Variants in SPICE1 observed in about 807,000 individuals in gnomAD.
The protein encoded by SPICE1 is spindle and centriole-associated protein 1.
Under a neutral mutation model 102.7 loss-of-function variants are expected in SPICE1, and 75 were observed. The ratio of observed to expected loss-of-function variants is 0.73; its 90% CI spans 0.61 to 0.88. The LOEUF (loss-of-function observed/expected upper bound fraction) is 0.88, where lower values mean the gene tolerates loss of function less well. SPICE1 is among the 40% of genes least tolerant of loss of function. The pLI is 0.00. For missense variants in SPICE1, 979 were observed against 1,020.1 expected (o/e 0.96, Z 0.55); for synonymous variants, 308 against 350.3 (o/e 0.88, Z 1.35).
chr3:113,459,823 A>C, intron 12 of SPICE1: 1 of 944,568 alleles, frequency 1.1e-6, no homozygotes, highest in Non-Finnish European at 1.3e-6. Context: ...CGGAGGTTGC[A>C]GTAAGCCGAG....
chr3:113,453,666 G>A lies in SPICE1; in HGVS notation c.1942C>T (p.Pro648Ser). The A allele has an allele frequency of 6.2e-7, 1 of 1,613,998 alleles. No homozygotes were observed. Among genetic ancestry groups the A allele is most frequent in the South Asian group, 1.1e-5 (1 of 91,068 alleles). The change falls in exon 14 of 18, where the codon CCA (proline) becomes TCA (serine). Residue 648 changes from proline to serine, a missense_variant. Physicochemically the swap from Pro to Ser is moderately conservative, Grantham distance 74. Coordinates refer to ENST00000295872, the MANE Select transcript of SPICE1 (RefSeq NM_144718.4). ...SRSPTFSEEL[P>S]VLGDGQQLRT... is the part of the protein sequence containing the mutation. ...AGCTGCTGCCCATCTCCCAGTACTG[G>A]GAGCTCTTCTGAGAATGTGGGGCTT...
chr3:113,491,624 CAAAAAAAAAAAAA>C lies in SPICE1; in HGVS notation c.492+1569_492+1581del, dbSNP rs869171154. ...TGGGCGACAGAGCGAGACTCCGTCT[CAAAAAAAAAAAAA>C]AAAAAAAAAAAAGATTATCTATAGC... On this transcript the variant is annotated intron_variant, in intron 6 of 17. Coordinates refer to ENST00000295872, the MANE Select transcript of SPICE1 (RefSeq NM_144718.4). 7.9e-5 allele frequency among the ~76,000 whole-genome samples: 3 copies of C among 38,108 alleles called. No homozygotes were observed. The East Asian group carries it at 2.7e-3, about 34-fold the overall frequency. 25.0% of individuals were successfully genotyped at this position (38,108 alleles called of 152,430 possible). A position where few individuals can be genotyped will look rare whatever the true frequency, so the allele number is the denominator to read the frequency against.
chr3:113,507,951 A>G (rs1275173437), intron 1 of SPICE1, among the ~76,000 whole-genome samples: 2 of 152,180 alleles, frequency 1.3e-5, no homozygotes, highest in African/African-American at 4.8e-5. Context: ...GATACAGAAT[A>G]TAATAGAACA....
At chr3:113,496,852 T>TTGA (rs2107498629) in intron 4 of SPICE1, among the ~76,000 whole-genome samples, 1 of 152,346 alleles carries the variant, frequency 6.6e-6, no homozygotes, top group South Asian at 2.1e-4. Flanking sequence ...ACTAAGCAAT[T>TTGA]CTACTTTTAA....
At chr3:113,468,080 G>A in intron 10 of SPICE1, 59 bp downstream of exon 10, 1 of 1,554,088 alleles carries the variant, frequency 6.4e-7, no homozygotes, top group Non-Finnish European at 8.7e-7. Flanking sequence ...AAATGGAAAG[G>A]AAAAAAAACT....
intron 7 of SPICE1, among the ~76,000 whole-genome samples, chr3:113,478,685 GAA>G (rs1459791511): frequency 6.6e-6 from 1 of 152,102 alleles, no homozygotes; most frequent in Non-Finnish European, 1.5e-5. Context: ...ATTCTCAGAA[GAA>G]AAGAGTGGCA....
intron 11 of SPICE1, among the ~76,000 whole-genome samples, chr3:113,463,623 T>C (rs993901730): frequency 6.6e-6 from 1 of 152,218 alleles, no homozygotes; most frequent in African/African-American, 2.4e-5. Context: ...AAACATAAAT[T>C]AACCTTAAAC....
rs749676598 is a variant in SPICE1 at position 113,450,515 on chromosome 3, G to C, written c.2144C>G (p.Thr715Ser). 21 of 1,542,844 alleles carry C rather than the reference G, an allele frequency of 1.4e-5. No homozygotes were observed. The highest frequency in any genetic ancestry group is 3.6e-5 in the South Asian group (3 of 82,210). The change falls in exon 15 of 18, where the codon ACT becomes AGT. Residue 715 changes from threonine (T) to serine (S), a missense_variant and splice_region_variant. By Grantham distance (58) the Thr-to-Ser change is moderately conservative. Coordinates refer to ENST00000295872, the MANE Select transcript of SPICE1 (RefSeq NM_144718.4). ...TGTTAGAGACTGTGCTACTGGAAAA[G>C]TCTTTGGGAGAAAAAAAAAAAAAGT... Reference protein sequence around the residue: ...KQESASDMTSTFPVAQSLTPG... With the variant: ...KQESASDMTSSFPVAQSLTPG...
In SPICE1 at chr3:113,483,028, T is replaced by C. The variant is rs143088550; in HGVS notation, c.611+5917A>G. On this transcript the variant is annotated intron_variant, in intron 7 of 17. Transcript: ENST00000295872. Reference sequence around the variant, plus strand: ...CCATTTTCATGATATTGAGTCTTCCTATCCATGAGCATGGAATGTTTTTCC... The same window carrying C: ...CCATTTTCATGATATTGAGTCTTCCCATCCATGAGCATGGAATGTTTTTCC... Among the ~76,000 whole-genome samples, 1,354 of 152,362 alleles carry C rather than the reference T, an allele frequency of 8.9e-3. 23 individuals carry two copies. The highest frequency in any genetic ancestry group is 0.031 in the African/African-American group (1,290 of 41,594).
chr3:113,460,804 C>A, intron 11 of SPICE1, 40 bp from the exon 12 acceptor site: 1 of 1,534,454 alleles, frequency 6.5e-7, no homozygotes, highest in South Asian at 1.3e-5. Flanking sequence ...ATTAGCATAT[C>A]AAACATCAAA....
chr3:113,457,485 C>T, intron 12 of SPICE1, 128 bp from the exon 13 acceptor site: 1 of 876,952 alleles, frequency 1.1e-6, no homozygotes, highest in Non-Finnish European at 1.7e-6. Context: ...GCTCCTGGAG[C>T]CTTCACTTTC....
chr3:113,514,972 G>A lies in SPICE1; in HGVS notation c.-76C>T, dbSNP rs1937295034. The A allele has an allele frequency of 6.2e-6, 4 of 647,052 alleles. No individual in the cohort carries two copies. The highest frequency in any genetic ancestry group is 6.6e-6 in the Non-Finnish European group (3 of 457,018). The allele number at this position is 647,052 out of a possible 1,614,324, so 40.1% of individuals were successfully genotyped here. A position where few individuals can be genotyped will look rare whatever the true frequency, so the allele number is the denominator to read the frequency against. On this transcript the variant is annotated 5_prime_UTR_variant, in exon 1 of 18. Coordinates refer to ENST00000295872, the MANE Select transcript of SPICE1 (RefSeq NM_144718.4). The stretch of plus-strand genomic sequence containing the variant: ...CCCCAACCGGGCGCCTGGATCCCAG[G>A]CAACAGACAGATGCCACCACCGTTC...
chr3:113,456,714 A>C (rs1935787291), intron 13 of SPICE1, among the ~76,000 whole-genome samples: 1 of 152,244 alleles, frequency 6.6e-6, no homozygotes, highest in Non-Finnish European at 1.5e-5. Flanking sequence ...AAAGAGGTGA[A>C]TATAATGACC....
At chr3:113,490,214 G>A (rs1037699732) in intron 6 of SPICE1, among the ~76,000 whole-genome samples, 2 of 152,084 alleles carry the variant, frequency 1.3e-5, no homozygotes, top group Non-Finnish European at 1.5e-5. Flanking sequence ...CCCCTCATCT[G>A]ATCCACTTTC....
intron 6 of SPICE1, among the ~76,000 whole-genome samples, chr3:113,491,436 T>C (rs55711506): frequency 0.55 from 82,687 of 150,650 alleles, 23,784 homozygotes; most frequent in African/African-American, 0.72. Flanking sequence ...CTGGATAACA[T>C]GGTGAAACCC....
In SPICE1 at chr3:113,457,216, G is replaced by T; in HGVS notation, c.1577C>A (p.Pro526Gln). The T allele has an allele frequency of 6.2e-7, 1 of 1,614,136 alleles. No homozygotes were observed. The highest frequency in any genetic ancestry group is 8.5e-7 in the Non-Finnish European group (1 of 1,180,022). The change falls in exon 13 of 18, where the codon CCA becomes CAA. Residue 526 changes from proline to glutamine, a missense_variant. Physicochemically the swap from Pro to Gln is moderately conservative, Grantham distance 76. Transcript: ENST00000295872. Reference sequence around the variant, plus strand: ...CACAGCTGGCTCAAAAATATGTGCTGGAAAATTCTTGGCCAGATTCATGTT... The same window carrying T: ...CACAGCTGGCTCAAAAATATGTGCTTGAAAATTCTTGGCCAGATTCATGTT... ...PDNMNLAKNF[P>Q]AHIFEPAVLL...
intron 11 of SPICE1, among the ~76,000 whole-genome samples, chr3:113,465,218 AG>A (rs751510669): frequency 6.2e-4 from 94 of 152,346 alleles, no homozygotes; most frequent in Non-Finnish European, 1.1e-3. Context: ...TTAGTCAAGC[AG>A]CAAAGAGGAC....
At chr3:113,480,453 A>G (rs929481686) in intron 7 of SPICE1, among the ~76,000 whole-genome samples, 3 of 152,204 alleles carry the variant, frequency 2.0e-5, no homozygotes, top group African/African-American at 7.2e-5. Context: ...ACACAAGAAT[A>G]CTAAATAAAA....
chr3:113,479,595 G>C (rs1026815439), intron 7 of SPICE1, among the ~76,000 whole-genome samples: 30 of 152,110 alleles, frequency 2.0e-4, no homozygotes, highest in African/African-American at 7.0e-4. Flanking sequence ...CCCACCAACA[G>C]TGTAAAAATG....
Sources: allele counts gnomAD v4.1 joint callset (sites outside exome capture counted in the v4.1 genomes callset), GRCh38; gene constraint gnomAD v4.1.1; transcripts MANE v1.5; gene names NCBI Gene and HGNC (gene_info 2026-07-23, HGNC 2026-07-21).